The following TIAM1 variants were observed in gnomAD, a reference collection of about 807,000 sequenced individuals.
TIAM1 encodes the protein TIAM Rac1 associated GEF 1, also known as rho guanine nucleotide exchange factor TIAM1.
A neutral mutation model predicts 163.5 loss-of-function variants in TIAM1; 65 were observed. The observed-to-expected ratio is 0.40, with a 90% CI of 0.33 to 0.49. The LOEUF is 0.49. Ranked by LOEUF, TIAM1 falls within the 20% of genes least tolerant of loss-of-function variation. The pLI, the probability that TIAM1 is intolerant of heterozygous loss-of-function variation, is 0.77. For missense variants in TIAM1, 1,789 were observed against 2,044.7 expected, an observed-to-expected ratio of 0.87 and a Z score of 2.41; for synonymous variants, 833 against 810.1, an observed-to-expected ratio of 1.03 and a Z score of -0.48.
At chr21:31,328,142 C>T (rs1317412419) in intron 2 of TIAM1, among the ~76,000 whole-genome samples, 2 of 152,142 alleles carry the variant, frequency 1.3e-5, no homozygotes, top group African/African-American at 4.8e-5. Flanking sequence ...GCAGTGGGGC[C>T]TTCCTAACTC....
rs143861016 is a variant in TIAM1, at chr21:31,127,466, C to T, written c.4046-314G>A. Among the ~76,000 whole-genome samples, 432 of 150,866 alleles carry T rather than the reference C, an allele frequency of 2.9e-3. 4 individuals carry two copies. Among genetic ancestry groups the T allele is most frequent in the African/African-American group, 1.0e-2 (409 of 41,056 alleles). ...TGGAGTCTCATTCTGTCATCCAGGC[C>T]GGAGTGCGGTGGTGTGATCTCAGCT... On this transcript the variant is annotated intron_variant, in intron 25 of 27. Coordinates refer to ENST00000541036, the MANE Select transcript of TIAM1 (RefSeq NM_001353694.2).
At chr21:31,124,885 T>A (rs545185661) in intron 26 of TIAM1, among the ~76,000 whole-genome samples, 191 bp from the exon 27 acceptor site, 6 of 152,316 alleles carry the variant, frequency 3.9e-5, no homozygotes, top group Admixed American at 2.6e-4. Flanking sequence ...TTTCCCTTCA[T>A]GCTTTGTGAT....
At chr21:31,272,834 A>G (rs2073123754) in intron 3 of TIAM1, among the ~76,000 whole-genome samples, 1 of 152,228 alleles carries the variant, frequency 6.6e-6, no homozygotes, top group Non-Finnish European at 1.5e-5. Context: ...AAAAGCAAGC[A>G]TTTAGCATCA....
At chr21:31,343,464 T>C (rs1013455737) in intron 1 of TIAM1, among the ~76,000 whole-genome samples, 6 of 152,108 alleles carry the variant, frequency 3.9e-5, no homozygotes, top group African/African-American at 1.4e-4. Context: ...AAAGGTAAGC[T>C]AGCTTTCACA....
chr21:31,461,309 C>A (rs1350774638), intron 2 of TIAM1, among the ~76,000 whole-genome samples: 1 of 151,978 alleles, frequency 6.6e-6, no homozygotes, highest in Non-Finnish European at 1.5e-5. Context: ...CATGGTGTAA[C>A]CCCGTCTCTA....
intron 20 of TIAM1, among the ~76,000 whole-genome samples, chr21:31,144,634 C>G (rs537735712): frequency 6.6e-6 from 1 of 151,994 alleles, no homozygotes; most frequent in African/African-American, 2.4e-5. Flanking sequence ...TCAAGACCAG[C>G]CTGGCCAACA....
chr21:31,333,285 C>A (rs1026262280), intron 2 of TIAM1, among the ~76,000 whole-genome samples: 2 of 152,086 alleles, frequency 1.3e-5, no homozygotes, highest in Admixed American at 1.3e-4. Context: ...TTTTTTTCAG[C>A]AGTAAAACTG....
intron 1 of TIAM1, among the ~76,000 whole-genome samples, chr21:31,557,581 C>G (rs1032362114): frequency 1.3e-5 from 2 of 152,198 alleles, no homozygotes; most frequent in Admixed American, 1.3e-4. Context: ...CCTCAGCGCA[C>G]AGGCTCTAAA....
At chr21:31,197,579 C>T (rs1041131493) in intron 12 of TIAM1, among the ~76,000 whole-genome samples, 2 of 141,772 alleles carry the variant, frequency 1.4e-5, no homozygotes, top group African/African-American at 2.7e-5. Context: ...GACAGGGTTT[C>T]ACCATAGTCT....
At chr21:31,463,343 C>T (rs1237508689) in intron 2 of TIAM1, among the ~76,000 whole-genome samples, 3 of 152,128 alleles carry the variant, frequency 2.0e-5, no homozygotes, top group Non-Finnish European at 4.4e-5. Context: ...CTTCACACTC[C>T]GCCCGGAGCA....
chr21:31,462,037 T>G (rs965075598), intron 2 of TIAM1, among the ~76,000 whole-genome samples: 1 of 152,224 alleles, frequency 6.6e-6, no homozygotes, highest in Non-Finnish European at 1.5e-5. Context: ...GACTGAACAA[T>G]GTGTCGGGGA....
At chr21:31,398,955 C>T (rs1405952111) in intron 2 of TIAM1, among the ~76,000 whole-genome samples, 2 of 152,192 alleles carry the variant, frequency 1.3e-5, no homozygotes, top group African/African-American at 4.8e-5. Flanking sequence ...GCTGGCAGCT[C>T]ACCTGAGGCC....
At position 31,355,507 on chromosome 21, in the gene TIAM1, T is replaced by G. The variant is rs536357676; in HGVS notation, c.-368-16085A>C. Among the ~76,000 whole-genome samples the G allele has an allele frequency of 2.2e-3, 334 of 151,320 alleles. 1 individual carries two copies. Among genetic ancestry groups the G allele is most frequent in the African/African-American group, 7.8e-3 (321 of 41,270 alleles). On this transcript the variant is annotated intron_variant, in intron 2 of 28. Transcript: ENST00000286827. Reference sequence around the variant, plus strand: ...TGGCACATTTCCTTTCTTACTTCCCTGATTTATTTTTCTCTCCTTTATTAT... The same window carrying G: ...TGGCACATTTCCTTTCTTACTTCCCGGATTTATTTTTCTCTCCTTTATTAT...
chr21:31,142,719 G>A (rs2146280008), intron 20 of TIAM1, among the ~76,000 whole-genome samples: 1 of 152,136 alleles, frequency 6.6e-6, no homozygotes, highest in African/African-American at 2.4e-5. Context: ...CGCAGTGCCA[G>A]TGAAGCAGAG....
In TIAM1 at chr21:31,557,652, G is replaced by A. The variant is rs139442706; in HGVS notation, c.-422+1275C>T. On this transcript the variant is annotated intron_variant, in intron 1 of 28. Transcript: ENST00000286827. ...GTGCATGGGTAACCCGATCCGGACG[G>A]CTCTGACTCGGGATGCGGCACAGCT... 2.5e-3 allele frequency among the ~76,000 whole-genome samples: 387 copies of A among 152,332 alleles called. 5 individuals carry two copies. The highest frequency in any genetic ancestry group is 8.6e-3 in the African/African-American group (356 of 41,584).
chr21:31,182,350 C>A, intron 15 of TIAM1, 71 bp downstream of exon 15: 1 of 1,318,218 alleles, frequency 7.6e-7, no homozygotes, highest in Non-Finnish European at 1.0e-6. Flanking sequence ...ACACACAAGC[C>A]GCATGATAAA....
chr21:31,217,653 G>A lies in TIAM1; in HGVS notation c.2042C>T (p.Ala681Val). 6.2e-7 allele frequency: 1 copy of A among 1,614,004 alleles called. No individual in the cohort carries two copies. The highest frequency in any genetic ancestry group is 1.1e-5 in the South Asian group (1 of 91,038). Residue 681 changes from alanine to valine, a missense_variant, in exon 9 of 28, where the codon GCC becomes GTC. Physicochemically the swap from Ala to Val is moderately conservative, Grantham distance 64 (BLOSUM62 0). Coordinates refer to ENST00000541036, the MANE Select transcript of TIAM1 (RefSeq NM_001353694.2). The stretch of plus-strand genomic sequence containing the variant: ...TCGCTTGCTCGCGGATCTGGACATG[G>A]CCTGAGTACGTCTTCTCACTCCAGT... Reference protein sequence around the residue: ...GETGVRRRTQAMSRSASKRRS... With the variant: ...GETGVRRRTQVMSRSASKRRS...
At chr21:31,218,822 C>T (rs1053806007) in intron 8 of TIAM1, among the ~76,000 whole-genome samples, 2 of 152,072 alleles carry the variant, frequency 1.3e-5, no homozygotes, top group Admixed American at 6.5e-5. Context: ...TAGGATGTCC[C>T]TACCTAAGCC....
intron 14 of TIAM1, among the ~76,000 whole-genome samples, chr21:31,184,678 G>A (rs756737390): frequency 1.3e-5 from 2 of 152,158 alleles, no homozygotes; most frequent in African/African-American, 2.4e-5. Flanking sequence ...TGATGAAAGA[G>A]ATAAAAATCA....
Sources: allele counts gnomAD v4.1 joint callset (sites outside exome capture counted in the v4.1 genomes callset), GRCh38; gene constraint gnomAD v4.1.1; transcripts MANE v1.5; gene names NCBI Gene and HGNC (gene_info 2026-07-23, HGNC 2026-07-21).